Variants in PEDS1 observed in about 807,000 individuals in gnomAD.
PEDS1 encodes the protein plasmanylethanolamine desaturase 1, also known as CarF homolog.
PEDS1 carries 14 observed loss-of-function variants against 35.2 expected under a neutral mutation model. The observed-to-expected ratio is 0.40, with a 90% confidence interval of 0.26 to 0.62. The LOEUF is 0.62. Among genes scored for constraint, PEDS1 ranks in the 20% least tolerant of loss-of-function variants. The pLI is 0.44. For synonymous variants in PEDS1, 152 were observed against 152.0 expected, an observed-to-expected ratio of 1.00 and a Z score of 0.00; for missense variants, 260 against 367.8, an observed-to-expected ratio of 0.71 and a Z score of 2.40.
Position 50,119,121 on chromosome 20 carries a change from G to A in PEDS1, c.*5937C>T, listed in dbSNP as rs890663567. 6.6e-5 allele frequency: 10 copies of A among 152,162 alleles called. No homozygotes were observed. The highest frequency in any genetic ancestry group is 1.5e-4 in the Non-Finnish European group (10 of 68,028). 9.4% of individuals were successfully genotyped at this position (152,162 alleles called of 1,614,324 possible). ...ACTTAAACCGGCATGGCCTCTGGAA[G>A]ACAATTTGGTATGCACTATCAAAAT... On this transcript the variant is annotated 3_prime_UTR_variant, in exon 6 of 6. Transcript: ENST00000371652.
rs2081136208 is a variant in PEDS1, at chr20:50,128,450, C to A, written c.479-263G>T. On this transcript the variant is annotated intron_variant, in intron 4 of 5. Transcript: ENST00000371652. This position sits in a 1 kb window ranked among gnomAD's most constrained non-coding sequence, Gnocchi z 5.2. ...GGCTGGGAATGTAGACCGGAGTCAG[C>A]TGGAGCTGGGTTCCGATCTCTGCCG... Among the ~76,000 whole-genome samples, 1 of 152,198 alleles carries A rather than the reference C, an allele frequency of 6.6e-6. No individual in the cohort carries two copies. Among genetic ancestry groups the A allele is most frequent in the South Asian group, 2.1e-4 (1 of 4,834 alleles).
chr20:50,143,369 G>T, intron 2 of PEDS1, 133 bp downstream of exon 2: 2 of 1,416,976 alleles, frequency 1.4e-6, no homozygotes, highest in Non-Finnish European at 1.9e-6. Context: ...CAATAGGGAG[G>T]TGGGGTACTC....
intron 1 of PEDS1, chr20:50,151,266 G>C (rs2081399783): frequency 7.7e-7 from 1 of 1,304,216 alleles, no homozygotes; most frequent in African/African-American, 1.5e-5. Flanking sequence ...GCACCAGGCT[G>C]TCTGCAGACT....
chr20:50,138,846 G>A (rs1055063151), intron 2 of PEDS1, among the ~76,000 whole-genome samples: 1 of 152,232 alleles, frequency 6.6e-6, no homozygotes, highest in Non-Finnish European at 1.5e-5. Context: ...ACTGGGACAA[G>A]GAGAGGGATG....
intron 2 of PEDS1, among the ~76,000 whole-genome samples, chr20:50,139,680 T>C (rs2081272981): frequency 1.6e-5 from 1 of 61,418 alleles, no homozygotes; most frequent in South Asian, 3.9e-4. Flanking sequence ...GATTTCTTTC[T>C]TTTTTTTTTT....
At chr20:50,149,868 C>T (rs1467136651) in intron 1 of PEDS1, among the ~76,000 whole-genome samples, 2 of 152,204 alleles carry the variant, frequency 1.3e-5, no homozygotes, top group Non-Finnish European at 2.9e-5. Flanking sequence ...TCCCGGGTTC[C>T]AGGCCTAGCC....
rs746388731 is a variant in PEDS1 at position 50,118,898 on chromosome 20, A to T, written c.*6160T>A. 1 of 152,190 alleles carries T rather than the reference A, an allele frequency of 6.6e-6. No individual in the cohort carries two copies. Among genetic ancestry groups the T allele is most frequent in the Non-Finnish European group, 1.5e-5 (1 of 68,044 alleles). The allele number at this position is 152,190 out of a possible 1,614,324, so 9.4% of individuals were successfully genotyped here. A position where few individuals can be genotyped will look rare whatever the true frequency, so the allele number is the denominator to read the frequency against. On this transcript the variant is annotated 3_prime_UTR_variant, in exon 6 of 6. Transcript: ENST00000371652. ...AGTGCTGGGATTACAGGCGTGAGCT[A>T]CCACACCCAGCCACATTTTTACATG...
intron 2 of PEDS1, among the ~76,000 whole-genome samples, chr20:50,142,682 G>GCCCCCCCCC (rs3091914): frequency 2.9e-5 from 1 of 33,932 alleles, no homozygotes; most frequent in Non-Finnish European, 5.6e-5. Flanking sequence ...CAAGTCATCC[G>GCCCCCCCCC]CCCCCCCCCC....
chr20:50,150,221 G>A (rs1032107789), intron 1 of PEDS1, among the ~76,000 whole-genome samples: 1 of 152,160 alleles, frequency 6.6e-6, no homozygotes, highest in Non-Finnish European at 1.5e-5. Flanking sequence ...AGCACAGTGA[G>A]GCTCAATCAC....
intron 1 of PEDS1, among the ~76,000 whole-genome samples, chr20:50,145,348 A>G (rs1446842755): frequency 6.6e-6 from 1 of 152,148 alleles, no homozygotes; most frequent in Non-Finnish European, 1.5e-5. Context: ...TGGGCAACAT[A>G]GCAAAACCCT....
intron 1 of PEDS1, among the ~76,000 whole-genome samples, chr20:50,147,869 A>G (rs1349242652): frequency 1.4e-5 from 2 of 145,680 alleles, no homozygotes; most frequent in Non-Finnish European, 3.0e-5. Flanking sequence ...CCTGGCTAAC[A>G]TGAACATGGT....
chr20:50,131,134 T>C (rs2081174414), intron 2 of PEDS1, 187 bp from the exon 3 acceptor site: 1 of 1,447,572 alleles, frequency 6.9e-7, no homozygotes, highest in South Asian at 1.2e-5. Context: ...TGTTACTTGC[T>C]GTGCTCGGGG....
rs368258608 is a variant in PEDS1 at position 50,128,233 on chromosome 20, C to T, written c.479-46G>A. On this transcript the variant is annotated intron_variant, in intron 4 of 5. Transcript: ENST00000371652. The surrounding 1 kb of genome is among the most constrained non-coding windows in gnomAD (Gnocchi z 5.2). ...GGGCCGGCACAGCTGTCACTCGGGA[C>T]GGGGAACCCACCCCAAATGGCCCTC... 34 of 1,606,384 alleles carry T rather than the reference C, an allele frequency of 2.1e-5. No homozygotes were observed. The highest frequency in any genetic ancestry group is 1.6e-4 in the African/African-American group (12 of 74,730).
At chr20:50,150,903 C>G (rs1004367259) in intron 1 of PEDS1, among the ~76,000 whole-genome samples, 1 of 152,094 alleles carries the variant, frequency 6.6e-6, no homozygotes, top group African/African-American at 2.4e-5. Context: ...GCCATGTTGG[C>G]CAGGCTGGTC....
intron 1 of PEDS1, among the ~76,000 whole-genome samples, chr20:50,145,878 T>C (rs1480415435): frequency 1.3e-5 from 2 of 152,140 alleles, no homozygotes; most frequent in East Asian, 3.9e-4. Flanking sequence ...TGATGTCCTT[T>C]TGCAGATGAG....
chr20:50,126,936 T>C (rs896246042), intron 5 of PEDS1, among the ~76,000 whole-genome samples: 1 of 152,104 alleles, frequency 6.6e-6, no homozygotes, highest in African/African-American at 2.4e-5. Context: ...CCCTCTTCAG[T>C]TGCTCTGCCC....
At chr20:50,143,220 A>G (rs2081312754) in intron 2 of PEDS1, among the ~76,000 whole-genome samples, 1 of 151,990 alleles carries the variant, frequency 6.6e-6, no homozygotes, top group Non-Finnish European at 1.5e-5. Context: ...CCATGGCTGT[A>G]CTCCTCATGC....
rs2081076711 is a variant in PEDS1, at chr20:50,124,322, C to T, written c.*736G>A. On this transcript the variant is annotated 3_prime_UTR_variant, in exon 6 of 6. Coordinates refer to ENST00000371652, the MANE Select transcript of PEDS1 (RefSeq NM_199129.4). ...TTAAAAAAAAACAAAACAAAAAAGCCCTACTCTTCCTTCTCTGACATACTC... is the reference window on the plus strand; with the variant it reads ...TTAAAAAAAAACAAAACAAAAAAGCTCTACTCTTCCTTCTCTGACATACTC... 1 of 152,582 alleles carries T rather than the reference C, an allele frequency of 6.6e-6. No homozygotes were observed. The highest frequency in any genetic ancestry group is 2.4e-5 in the African/African-American group (1 of 41,414). 9.5% of individuals were successfully genotyped at this position (152,582 alleles called of 1,614,324 possible).
At chr20:50,125,216 A>G in intron 5 of PEDS1, 37 bp from the exon 6 acceptor site, 1 of 1,609,106 alleles carries the variant, frequency 6.2e-7, no homozygotes, top group Non-Finnish European at 8.5e-7. Context: ...TGAATGGGAG[A>G]GAGTAGTCAA....
Sources: gnomAD v4.1 joint callset for allele counts (sites outside exome capture counted in the v4.1 genomes callset) on GRCh38, gnomAD v4.1.1 for gene constraint, Gnocchi (gnomAD v3.1) non-coding constraint, MANE v1.5 for transcripts, NCBI Gene and HGNC (gene_info 2026-07-23, HGNC 2026-07-21) for gene names.